The following AK5 variants were observed in gnomAD, a reference collection of about 807,000 sequenced individuals.
AK5 encodes the protein adenylate kinase 5, also known as adenylate kinase isoenzyme 5.
Under a neutral mutation model 69.5 loss-of-function variants are expected in AK5, and 27 were observed. That is an observed-to-expected ratio of 0.39 (90% CI 0.29 to 0.54). The LOEUF is 0.54. Ranked by LOEUF, AK5 falls within the 20% of genes least tolerant of loss-of-function variation. The pLI, the probability that AK5 is intolerant of heterozygous loss-of-function variation, is 0.71. For synonymous variants in AK5, 260 were observed against 244.4 expected (o/e 1.06, Z -0.60); for missense variants, 531 against 700.4 (o/e 0.76, Z 2.73).
chr1:77,306,141 G>A (rs776419082), intron 5 of AK5, among the ~76,000 whole-genome samples: 16 of 152,084 alleles, frequency 1.1e-4, no homozygotes, highest in African/African-American at 3.4e-4. Flanking sequence ...GTGACAGTAG[G>A]CATCCTTGTC....
At chr1:77,410,301 A>G (rs1649952548) in intron 6 of AK5, among the ~76,000 whole-genome samples, 1 of 151,938 alleles carries the variant, frequency 6.6e-6, no homozygotes, top group African/African-American at 2.4e-5. Flanking sequence ...TTTTGGAGAC[A>G]GAGTCTCAGT....
At chr1:77,463,277 G>C (rs1044627171) in intron 8 of AK5, among the ~76,000 whole-genome samples, 1 of 152,186 alleles carries the variant, frequency 6.6e-6, no homozygotes, top group African/African-American at 2.4e-5. Context: ...CAGTTAGTCT[G>C]ATCATGATCA....
At position 77,429,551 on chromosome 1, in the gene AK5, T is replaced by A. The variant is rs116450359; in HGVS notation, c.1059+11836T>A. Among the ~76,000 whole-genome samples, 1,253 of 152,302 alleles carry A rather than the reference T, an allele frequency of 8.2e-3. 2 individuals are homozygous for A. Among genetic ancestry groups the A allele is most frequent in the Non-Finnish European group, 0.011 (771 of 68,020 alleles). On this transcript the variant is annotated intron_variant, in intron 8 of 13. Transcript: ENST00000354567. The stretch of plus-strand genomic sequence containing the variant: ...GTTCCTGCTATCATAGAGCTTATAG[T>A]AGAACTAGACAAGAATAGAATAGTC...
At chr1:77,368,274 T>TATAA (rs1557535738) in intron 6 of AK5, among the ~76,000 whole-genome samples, 46 of 58,320 alleles carry the variant, frequency 7.9e-4, no homozygotes, top group African/African-American at 2.1e-3. Flanking sequence ...TATATATATG[T>TATAA]TATATATGTT....
chr1:77,458,640 G>C (rs1341575611), intron 8 of AK5, among the ~76,000 whole-genome samples: 1 of 152,144 alleles, frequency 6.6e-6, no homozygotes, highest in African/African-American at 2.4e-5. Context: ...AGAAACTCCT[G>C]TTTTTAAAAC....
intron 8 of AK5, among the ~76,000 whole-genome samples, chr1:77,445,928 T>C (rs896292132): frequency 4.6e-5 from 7 of 152,156 alleles, no homozygotes; most frequent in Non-Finnish European, 7.4e-5. Flanking sequence ...TGCAGCTTTT[T>C]AGTTTGATGT....
chr1:77,406,275 T>C (rs1480472886), intron 6 of AK5, among the ~76,000 whole-genome samples: 2 of 131,910 alleles, frequency 1.5e-5, no homozygotes, highest in African/African-American at 6.3e-5. Context: ...GGGAAACAAA[T>C]GCAGTGAGCC....
At chr1:77,369,798 G>T (rs1335654385) in intron 6 of AK5, among the ~76,000 whole-genome samples, 1 of 152,182 alleles carries the variant, frequency 6.6e-6, no homozygotes, top group Middle Eastern at 3.2e-3. Flanking sequence ...CATTTGAGTA[G>T]TTTCAAAAAG....
At chr1:77,517,959 G>A (rs1427855239) in intron 10 of AK5, among the ~76,000 whole-genome samples, 1 of 152,228 alleles carries the variant, frequency 6.6e-6, no homozygotes, top group African/African-American at 2.4e-5. Context: ...TTCCTTGTTT[G>A]TAGGAAATGA....
At chr1:77,432,166 T>G (rs1321588125) in intron 8 of AK5, among the ~76,000 whole-genome samples, 1 of 152,184 alleles carries the variant, frequency 6.6e-6, no homozygotes, top group African/African-American at 2.4e-5. Context: ...TTTCCCCCCT[T>G]TTGATCAAGA....
chr1:77,451,191 A>T (rs1203881764), intron 8 of AK5, among the ~76,000 whole-genome samples: 1 of 152,178 alleles, frequency 6.6e-6, no homozygotes, highest in Non-Finnish European at 1.5e-5. Context: ...AAATAAATAC[A>T]TAAAGACATA....
intron 8 of AK5, among the ~76,000 whole-genome samples, chr1:77,470,985 A>G (rs1429472069): frequency 2.0e-5 from 3 of 147,448 alleles, no homozygotes; most frequent in Non-Finnish European, 4.5e-5. Context: ...GGTTCAAGCA[A>G]TTCTCCTGCC....
At chr1:77,314,035 T>A (rs1055682537) in intron 5 of AK5, 1 of 384,340 alleles carries the variant, frequency 2.6e-6, no homozygotes, top group Admixed American at 3.3e-5. Flanking sequence ...GTAGTCATAG[T>A]AATGACAATA....
At chr1:77,296,905 C>T (rs1659036699) in intron 3 of AK5, among the ~76,000 whole-genome samples, 1 of 152,100 alleles carries the variant, frequency 6.6e-6, no homozygotes, top group Admixed American at 6.6e-5. Flanking sequence ...GCTTTTTACA[C>T]AGTGTGTGTT....
intron 5 of AK5, among the ~76,000 whole-genome samples, chr1:77,313,628 A>C (rs950828333): frequency 6.6e-6 from 1 of 151,822 alleles, no homozygotes; most frequent in African/African-American, 2.4e-5. Context: ...GGTCCTTATA[A>C]GGCGATGGAG....
At chr1:77,391,893 T>A (rs1648511926) in intron 6 of AK5, among the ~76,000 whole-genome samples, 1 of 152,186 alleles carries the variant, frequency 6.6e-6, no homozygotes, top group Non-Finnish European at 1.5e-5. Flanking sequence ...TATTGATAAC[T>A]ACTTATCCTG....
At chr1:77,359,883 A>G (rs1646833081) in intron 6 of AK5, among the ~76,000 whole-genome samples, 1 of 152,228 alleles carries the variant, frequency 6.6e-6, no homozygotes, top group African/African-American at 2.4e-5. Context: ...GAAGTTGTCC[A>G]AAGTTAAACA....
chr1:77,436,678 TAAG>T lies in AK5; in HGVS notation c.1059+18969_1059+18971del, dbSNP rs528599979. Among the ~76,000 whole-genome samples, 435 of 151,984 alleles carry T rather than the reference TAAG, an allele frequency of 2.9e-3. 2 individuals are homozygous for T. Among genetic ancestry groups the T allele is most frequent in the South Asian group, 0.016 (79 of 4,816 alleles). ...AGTTATCAAAAAGATTTTTTGAAAC[TAAG>T]AAGAATTAATTTATAAATGATTATA... is the stretch of plus-strand genomic sequence containing the variant. On this transcript the variant is annotated intron_variant, in intron 8 of 13. Coordinates refer to ENST00000354567, the MANE Select transcript of AK5 (RefSeq NM_174858.3).
At chr1:77,316,874 G>A (rs1660270868) in intron 5 of AK5, among the ~76,000 whole-genome samples, 1 of 152,178 alleles carries the variant, frequency 6.6e-6, no homozygotes, top group African/African-American at 2.4e-5. Flanking sequence ...CTTATGCCAA[G>A]TGGAGAGTCA....
Sources: gnomAD v4.1 joint callset for allele counts (sites outside exome capture counted in the v4.1 genomes callset) on GRCh38, gnomAD v4.1.1 for gene constraint, MANE v1.5 for transcripts, NCBI Gene and HGNC (gene_info 2026-07-23, HGNC 2026-07-21) for gene names.